EPM2A: variants seen among roughly 807,000 people sequenced by gnomAD.
EPM2A encodes EPM2A glucan phosphatase, laforin.
In EPM2A, 21 loss-of-function variants were observed where a neutral mutation model predicts 26.5. The observed-to-expected ratio is 0.79, with a 90% confidence interval of 0.56 to 1.14. The LOEUF is 1.14. EPM2A is among the 50% of genes most tolerant of loss of function. The probability of loss-of-function intolerance (pLI) is 0.00; values close to 1 mark genes in which losing one functional copy is unlikely to be tolerated. For synonymous variants in EPM2A, 217 were observed against 177.6 expected (o/e 1.22, Z -1.76); for missense variants, 458 against 440.8 (o/e 1.04, Z -0.35).
intron 1 of EPM2A, among the ~76,000 whole-genome samples, chr6:145,713,246 G>T (rs1775437749): frequency 6.6e-6 from 1 of 152,106 alleles, no homozygotes; most frequent in Non-Finnish European, 1.5e-5. Flanking sequence ...TAGGTGCATT[G>T]ACTGCTTATT....
intron 4 of EPM2A, among the ~76,000 whole-genome samples, chr6:145,419,113 A>T (rs1778746422): frequency 6.6e-6 from 1 of 151,990 alleles, no homozygotes; most frequent in Non-Finnish European, 1.5e-5. Flanking sequence ...GAAGAGGCAC[A>T]TCCAAATCTC....
chr6:145,495,023 G>A (rs558098324), intron 4 of EPM2A, among the ~76,000 whole-genome samples: 7 of 152,294 alleles, frequency 4.6e-5, no homozygotes, highest in Non-Finnish European at 1.0e-4. Flanking sequence ...CCAGACCTGA[G>A]TTCAGGTCCT....
chr6:145,466,296 G>GA (rs754177502), intron 4 of EPM2A, among the ~76,000 whole-genome samples: 2 of 151,402 alleles, frequency 1.3e-5, no homozygotes, highest in African/African-American at 4.9e-5. Flanking sequence ...AAATTTACAA[G>GA]AAAAAAACAA....
intron 2 of EPM2A, among the ~76,000 whole-genome samples, chr6:145,591,577 C>A (rs1226848815): frequency 6.6e-6 from 1 of 152,082 alleles, no homozygotes; most frequent in East Asian, 1.9e-4. Flanking sequence ...AAATCACCAA[C>A]TTAGAACTCT....
intron 2 of EPM2A, among the ~76,000 whole-genome samples, chr6:145,653,322 GCTCA>G (rs1454393217): frequency 1.3e-5 from 2 of 152,136 alleles, no homozygotes; most frequent in African/African-American, 4.8e-5. Flanking sequence ...CCCTGCTCTT[GCTCA>G]CTCTCTCTCA....
chr6:145,434,345 C>T (rs1778961896), intron 4 of EPM2A, among the ~76,000 whole-genome samples: 1 of 151,622 alleles, frequency 6.6e-6, no homozygotes, highest in Admixed American at 6.6e-5. Flanking sequence ...ACTGCTGCAG[C>T]TTCAACCTCC....
intron 2 of EPM2A, among the ~76,000 whole-genome samples, chr6:145,656,417 C>T (rs910327409): frequency 1.3e-5 from 2 of 152,200 alleles, no homozygotes; most frequent in Non-Finnish European, 2.9e-5. Flanking sequence ...CAAACCTCAC[C>T]ACAGGAGAGC....
intron 2 of EPM2A, among the ~76,000 whole-genome samples, chr6:145,674,330 G>C (rs111844898): frequency 2.0e-5 from 3 of 152,270 alleles, no homozygotes; most frequent in African/African-American, 7.2e-5. Flanking sequence ...CAAAGATAGA[G>C]AGAAACCAGA....
chr6:145,687,412 G>T (rs999184485), intron 1 of EPM2A, among the ~76,000 whole-genome samples: 1 of 151,988 alleles, frequency 6.6e-6, no homozygotes, highest in African/African-American at 2.4e-5. Flanking sequence ...AATATATGGT[G>T]TTTTGTTTAT....
chr6:145,406,013 CAA>C (rs1491520127), intron 4 of EPM2A, among the ~76,000 whole-genome samples: 9,101 of 145,008 alleles, frequency 0.063, 356 homozygotes, highest in Non-Finnish European at 0.098. Context: ...CACACACACA[CAA>C]CAGACAGACA....
At chr6:145,490,319 C>G (rs1779738169) in intron 4 of EPM2A, 2 of 1,476,994 alleles carry the variant, frequency 1.4e-6, no homozygotes, top group African/African-American at 2.8e-5. Context: ...GTTAAACACA[C>G]TGTTGCAGAC....
At chr6:145,657,112 T>C (rs1258237440) in intron 2 of EPM2A, among the ~76,000 whole-genome samples, 1 of 140,932 alleles carries the variant, frequency 7.1e-6, no homozygotes. Flanking sequence ...TTTTTTGAGA[T>C]GGAGTCCTGC....
At chr6:145,508,580 A>C (rs1177215719) in intron 2 of EPM2A, among the ~76,000 whole-genome samples, 1 of 149,836 alleles carries the variant, frequency 6.7e-6, no homozygotes, top group Non-Finnish European at 1.5e-5. Flanking sequence ...CAATAAAAAA[A>C]TCAACACTCC....
chr6:145,699,364 A>G (rs1781789956), intron 1 of EPM2A, among the ~76,000 whole-genome samples: 1 of 152,222 alleles, frequency 6.6e-6, no homozygotes, highest in Non-Finnish European at 1.5e-5. Context: ...ATGATGACTG[A>G]AAGGCTATGC....
chr6:145,431,763 C>A (rs190664219), intron 4 of EPM2A, among the ~76,000 whole-genome samples: 115 of 152,312 alleles, frequency 7.6e-4, no homozygotes, highest in African/African-American at 2.5e-3. Flanking sequence ...AAGTTAGCCA[C>A]ACCGATGGAC....
intron 2 of EPM2A, among the ~76,000 whole-genome samples, chr6:145,527,881 T>C (rs1780300106): frequency 6.6e-6 from 1 of 151,888 alleles, no homozygotes; most frequent in African/African-American, 2.4e-5. Flanking sequence ...GTTAGCCAAG[T>C]TGTGAATGCA....
intron 4 of EPM2A, among the ~76,000 whole-genome samples, chr6:145,473,646 A>G (rs1332990508): frequency 6.6e-6 from 1 of 152,186 alleles, no homozygotes; most frequent in Non-Finnish European, 1.5e-5. Flanking sequence ...TTAAGGTTAA[A>G]GAATTCTAAA....
intron 3 of EPM2A, chr6:145,628,445 C>A (rs1562414720): frequency 6.6e-6 from 1 of 152,266 alleles, no homozygotes; most frequent in Non-Finnish European, 1.5e-5. Flanking sequence ...CTCTCTCATC[C>A]CGTGGGACAG....
At chr6:145,712,366 T>C (rs561493628) in intron 1 of EPM2A, among the ~76,000 whole-genome samples, 141 of 152,224 alleles carry the variant, frequency 9.3e-4, no homozygotes, top group South Asian at 4.2e-4. Flanking sequence ...GCCAAAACCA[T>C]TGCACCCAGA....
Sources: allele counts gnomAD v4.1 joint callset (sites outside exome capture counted in the v4.1 genomes callset), GRCh38; gene constraint gnomAD v4.1.1; transcripts MANE v1.5; gene names NCBI Gene and HGNC (gene_info 2026-07-23, HGNC 2026-07-21).